GRIA3: variants seen among roughly 807,000 people sequenced by gnomAD.
GRIA3 encodes the protein glutamate ionotropic receptor AMPA type subunit 3, also known as glutamate receptor 3.
A neutral mutation model predicts 63.0 loss-of-function variants in GRIA3; 3 were observed. The observed-to-expected ratio is 0.05, with a 90% CI of 0.02 to 0.12. GRIA3 has a LOEUF of 0.12. Ranked by LOEUF, GRIA3 falls within the 10% of genes least tolerant of loss-of-function variation. GRIA3 has a pLI of 1.00. For missense variants in GRIA3, 347 were observed against 700.9 expected (o/e 0.50, Z 5.70); for synonymous variants, 274 against 257.9 (o/e 1.06, Z -0.60).
chrX:123,382,874 T>C lies in GRIA3; in HGVS notation c.751-12094T>C, dbSNP rs775344264. On this transcript the variant is annotated intron_variant, in intron 5 of 15. Transcript: ENST00000620443. ...TATTAGGTAAACAGGAGTATGAAGC[T>C]TATCAAAGTGAGAGATACTGCTTTC... Among the ~76,000 whole-genome samples the C allele has an allele frequency of 4.3e-4, 48 of 111,990 alleles. 1 individual carries two copies. The South Asian group carries it at 0.018, about 41-fold the overall frequency.
chrX:123,352,020 C>T (rs758450527), intron 4 of GRIA3, among the ~76,000 whole-genome samples: 1 of 111,562 alleles, frequency 9.0e-6, no homozygotes, highest in Non-Finnish European at 1.9e-5. Flanking sequence ...AAAACAATGT[C>T]TCAATGAATG....
At chrX:123,350,016 A>C in intron 4 of GRIA3, among the ~76,000 whole-genome samples, 1 of 111,761 alleles carries the variant, frequency 8.9e-6, no homozygotes, top group Non-Finnish European at 1.9e-5. Context: ...TCTTTTTAAA[A>C]AAAAATTAAC....
At chrX:123,270,152 T>G (rs950605292) in intron 3 of GRIA3, among the ~76,000 whole-genome samples, 39 of 112,226 alleles carry the variant, frequency 3.5e-4, no homozygotes, top group Non-Finnish European at 1.7e-4. Flanking sequence ...AGCTGGTGAC[T>G]ACTAGGAATT....
intron 5 of GRIA3, among the ~76,000 whole-genome samples, chrX:123,381,160 A>C (rs1395798191): frequency 9.0e-6 from 1 of 111,488 alleles, no homozygotes; most frequent in Non-Finnish European, 1.9e-5. Context: ...GGGAGGTTTT[A>C]AGAAACTCAG....
chrX:123,354,140 C>T (rs1205311894), intron 4 of GRIA3, among the ~76,000 whole-genome samples: 2 of 111,607 alleles, frequency 1.8e-5, no homozygotes, highest in Non-Finnish European at 3.8e-5. Context: ...AAGGGTTTCT[C>T]AACCTTAGCA....
intron 13 of GRIA3, among the ~76,000 whole-genome samples, chrX:123,468,690 G>A (rs2045847304): frequency 8.9e-6 from 1 of 112,513 alleles, no homozygotes; most frequent in South Asian, 3.6e-4. Context: ...TACTCATTCA[G>A]ACAATCCTTT....
intron 3 of GRIA3, among the ~76,000 whole-genome samples, chrX:123,292,077 G>T: frequency 9.0e-6 from 1 of 110,519 alleles, no homozygotes; most frequent in South Asian, 3.9e-4. Flanking sequence ...TTTTTTCCTA[G>T]CCACCAAGCT....
chrX:123,417,996 A>G, intron 11 of GRIA3: 1 of 399,603 alleles, frequency 2.5e-6, no homozygotes, highest in Non-Finnish European at 4.3e-6. Context: ...ATGGTATTGT[A>G]TATACATTAA....
chrX:123,335,832 A>G (rs778074156), intron 4 of GRIA3, among the ~76,000 whole-genome samples: 2 of 112,264 alleles, frequency 1.8e-5, no homozygotes, highest in East Asian at 2.8e-4. Flanking sequence ...CTCTTACTTC[A>G]TATGACTTAC....
At position 123,340,289 on chromosome X, in the gene GRIA3, C is replaced by A. The variant is rs942550410; in HGVS notation, c.696+14076C>A. The stretch of plus-strand genomic sequence containing the variant: ...ATTTAAAGTTAATATTACTTCCCAC[C>A]CTTCTTCCCAGTTTTTGGAGTCCTT... On this transcript the variant is annotated intron_variant, in intron 4 of 15. Transcript: ENST00000620443. Among the ~76,000 whole-genome samples the A allele has an allele frequency of 2.7e-5, 3 of 112,601 alleles. No homozygotes were observed. The Admixed American group carries it at 2.8e-4, about 11-fold the overall frequency.
Position 123,184,433 on chromosome X carries a change from G to C in GRIA3, c.-103G>C. The C allele has an allele frequency of 1.6e-6, 1 of 642,652 alleles. No individual in the cohort carries two copies. Among genetic ancestry groups the C allele is most frequent in the East Asian group, 3.2e-5 (1 of 30,868 alleles). 53.0% of individuals were successfully genotyped at this position (642,652 alleles called of 1,213,427 possible). On this transcript the variant is annotated 5_prime_UTR_variant, in exon 1 of 16. Transcript: ENST00000620443. ...AAGAGTGAGCGAGAGCAAGTTAAGGGGAGGGGGTGTAAGAGCCAGCGAATT... is the reference window on the plus strand; with the variant it reads ...AAGAGTGAGCGAGAGCAAGTTAAGGCGAGGGGGTGTAAGAGCCAGCGAATT...
intron 10 of GRIA3, among the ~76,000 whole-genome samples, chrX:123,408,561 T>C (rs1161777734): frequency 8.9e-6 from 1 of 112,399 alleles, no homozygotes; most frequent in Admixed American, 9.4e-5. Flanking sequence ...TGTCTACTTG[T>C]GAGTGAGGGA....
chrX:123,455,020 T>C (rs1226263333), intron 12 of GRIA3, among the ~76,000 whole-genome samples: 5 of 112,003 alleles, frequency 4.5e-5, no homozygotes, highest in African/African-American at 1.6e-4. Context: ...AACATGTCCC[T>C]GGACTTGTGA....
chrX:123,243,721 T>C (rs890647271), intron 2 of GRIA3, among the ~76,000 whole-genome samples: 2 of 112,202 alleles, frequency 1.8e-5, no homozygotes, highest in African/African-American at 6.5e-5. Context: ...GTAAGCACCA[T>C]GAAGGCAGAG....
intron 2 of GRIA3, among the ~76,000 whole-genome samples, chrX:123,252,955 A>G (rs749674248): frequency 2.1e-4 from 24 of 112,036 alleles, no homozygotes; most frequent in Admixed American, 5.6e-4. Flanking sequence ...TGATGGACGC[A>G]TTAGTACACT....
chrX:123,310,066 T>C (rs922183558), intron 3 of GRIA3, among the ~76,000 whole-genome samples: 7 of 112,773 alleles, frequency 6.2e-5, no homozygotes, highest in African/African-American at 1.6e-4. Flanking sequence ...TGAATGAGCA[T>C]AGAAGCTCTT....
intron 4 of GRIA3, among the ~76,000 whole-genome samples, chrX:123,350,132 A>G (rs771560749): frequency 8.9e-6 from 1 of 111,828 alleles, no homozygotes; most frequent in South Asian, 3.8e-4. Context: ...CATACAATAA[A>G]TGAAGAAAAC....
chrX:123,485,028 A>T (rs1317294103), intron 15 of GRIA3, among the ~76,000 whole-genome samples: 1 of 112,508 alleles, frequency 8.9e-6, no homozygotes, highest in Non-Finnish European at 1.9e-5. Context: ...CTGTAATTGC[A>T]TTGTTTGCAT....
chrX:123,316,586 C>T (rs751394904), intron 3 of GRIA3, among the ~76,000 whole-genome samples: 32 of 112,015 alleles, frequency 2.9e-4, no homozygotes, highest in East Asian at 8.4e-4. Flanking sequence ...GTTGTCAGCA[C>T]GGCATTATTC....
Sources: gnomAD v4.1 joint callset for allele counts (sites outside exome capture counted in the v4.1 genomes callset) on GRCh38, gnomAD v4.1.1 for gene constraint, MANE v1.5 for transcripts, NCBI Gene and HGNC (gene_info 2026-07-23, HGNC 2026-07-21) for gene names.